The following VPS13B variants were observed in gnomAD, a reference collection of about 807,000 sequenced individuals.
VPS13B encodes the protein intermembrane lipid transfer protein VPS13B.
In VPS13B, 285 loss-of-function variants were observed where a neutral mutation model predicts 426.4. That is an observed-to-expected ratio of 0.67 (90% CI 0.61 to 0.74). The LOEUF (loss-of-function observed/expected upper bound fraction) is 0.74. Among genes scored for constraint, VPS13B ranks in the 30% least tolerant of loss-of-function variants. VPS13B has a pLI of 0.00. For missense variants in VPS13B, 4,537 were observed against 4,782.6 expected, an observed-to-expected ratio of 0.95 and a Z score of 1.51; for synonymous variants, 1,676 against 1,676.4, an observed-to-expected ratio of 1.00 and a Z score of 0.01.
At chr8:99,574,731 A>G (rs961080983) in intron 31 of VPS13B, among the ~76,000 whole-genome samples, 1 of 152,226 alleles carries the variant, frequency 6.6e-6, no homozygotes, top group African/African-American at 2.4e-5. Context: ...CTCCAGGTCC[A>G]ATTCTGGAAC....
chr8:99,823,901 A>G lies in VPS13B; in HGVS notation c.9253A>G (p.Thr3085Ala), dbSNP rs767105242. The change falls in exon 51 of 62, where the codon ACA becomes GCA. Residue 3085 changes from threonine (T) to alanine (A), a missense_variant. Transcript: ENST00000357162. ...IQIIQIEDKT[T>A]IINNTPYQIF... The stretch of plus-strand genomic sequence containing the variant: ...AATTATTCAGATTGAAGACAAGACT[A>G]CAATAATCAATAATACACCATATCA... 3.1e-6 allele frequency: 5 copies of G among 1,613,180 alleles called. No individual in the cohort carries two copies. The highest frequency in any genetic ancestry group is 4.2e-6 in the Non-Finnish European group (5 of 1,179,484).
At chr8:99,188,625 A>G (rs1017604588) in intron 16 of VPS13B, among the ~76,000 whole-genome samples, 1 of 152,176 alleles carries the variant, frequency 6.6e-6, no homozygotes, top group Non-Finnish European at 1.5e-5. Context: ...ATGATAACTC[A>G]ATGTTCATCT....
At chr8:99,233,584 C>T in intron 17 of VPS13B, 1 of 1,226,492 alleles carries the variant, frequency 8.2e-7, no homozygotes, top group Non-Finnish European at 1.2e-6. Context: ...TATTAACAGC[C>T]AGCATATCAT....
chr8:99,419,037 A>G (rs143528794), intron 21 of VPS13B, among the ~76,000 whole-genome samples: 49 of 152,270 alleles, frequency 3.2e-4, no homozygotes, highest in Non-Finnish European at 6.0e-4. Flanking sequence ...TGGTCTGGCT[A>G]TGTGTCTTCA....
intron 33 of VPS13B, among the ~76,000 whole-genome samples, chr8:99,608,544 T>G (rs554007093): frequency 1.1e-4 from 16 of 152,310 alleles, no homozygotes; most frequent in African/African-American, 3.6e-4. Flanking sequence ...ATGACCTTTA[T>G]TATATTCAAA....
At chr8:99,476,651 G>T (rs1004735989) in intron 24 of VPS13B, among the ~76,000 whole-genome samples, 1 of 151,972 alleles carries the variant, frequency 6.6e-6, no homozygotes, top group African/African-American at 2.4e-5. Context: ...AAGAAACCAC[G>T]AAGGCCAGAA....
At chr8:99,594,548 G>C (rs1826893147) in intron 33 of VPS13B, among the ~76,000 whole-genome samples, 1 of 151,848 alleles carries the variant, frequency 6.6e-6, no homozygotes, top group Non-Finnish European at 1.5e-5. Flanking sequence ...CTGTTTGCTT[G>C]ATTATAGAGC....
intron 35 of VPS13B, among the ~76,000 whole-genome samples, chr8:99,685,420 C>G (rs889542169): frequency 1.2e-4 from 18 of 152,186 alleles, no homozygotes; most frequent in African/African-American, 3.6e-4. Context: ...CTGGGGGCTC[C>G]TGGAAAGAAT....
At chr8:99,044,296 G>C (rs796648926) in intron 3 of VPS13B, among the ~76,000 whole-genome samples, 3 of 151,550 alleles carry the variant, frequency 2.0e-5, no homozygotes, top group African/African-American at 7.3e-5. Flanking sequence ...TGTTAGCCAG[G>C]ATGGTCTCTA....
chr8:99,354,576 T>C (rs901227427), intron 19 of VPS13B, among the ~76,000 whole-genome samples: 3 of 152,074 alleles, frequency 2.0e-5, no homozygotes, highest in Non-Finnish European at 4.4e-5. Flanking sequence ...AGAATTTTCT[T>C]ATATATAGGA....
At chr8:99,365,538 G>A (rs1372554215) in intron 19 of VPS13B, among the ~76,000 whole-genome samples, 1 of 19,098 alleles carries the variant, frequency 5.2e-5, no homozygotes, top group Non-Finnish European at 1.7e-4. Flanking sequence ...TTTTTTTGAG[G>A]CGGAGTCTCG....
At chr8:99,306,082 G>A (rs1317037152) in intron 19 of VPS13B, among the ~76,000 whole-genome samples, 1 of 152,120 alleles carries the variant, frequency 6.6e-6, no homozygotes, top group African/African-American at 2.4e-5. Context: ...TGTAATAAAT[G>A]TGAAGTGGAT....
chr8:99,437,817 G>T (rs757105414), intron 22 of VPS13B, among the ~76,000 whole-genome samples: 21 of 152,076 alleles, frequency 1.4e-4, no homozygotes, highest in Non-Finnish European at 2.8e-4. Flanking sequence ...TTCTATACCT[G>T]CTCATTAACA....
intron 39 of VPS13B, among the ~76,000 whole-genome samples, chr8:99,735,648 A>C (rs1371653660): frequency 6.6e-6 from 1 of 152,070 alleles, no homozygotes; most frequent in Non-Finnish European, 1.5e-5. Flanking sequence ...AATAAATCTC[A>C]ATTGTTTTAA....
chr8:99,622,606 TGAG>T (rs1472271616), intron 33 of VPS13B, among the ~76,000 whole-genome samples: 2 of 152,238 alleles, frequency 1.3e-5, no homozygotes, highest in South Asian at 2.1e-4. Flanking sequence ...AATTTTATAA[TGAG>T]GAGAATTAAC....
chr8:99,866,568 T>C (rs1484150203), intron 58 of VPS13B, among the ~76,000 whole-genome samples: 2 of 152,262 alleles, frequency 1.3e-5, no homozygotes, highest in Non-Finnish European at 2.9e-5. Context: ...AAAGCCACAG[T>C]AACCGAAGCC....
At chr8:99,117,931 T>G (rs1847753573) in intron 7 of VPS13B, among the ~76,000 whole-genome samples, 1 of 152,164 alleles carries the variant, frequency 6.6e-6, no homozygotes, top group African/African-American at 2.4e-5. Flanking sequence ...TTTTATGCTA[T>G]TTAAACTTTA....
chr8:99,575,592 CA>C, intron 31 of VPS13B, 65 bp from the exon 32 acceptor site: 1 of 1,599,982 alleles, frequency 6.3e-7, no homozygotes, highest in Non-Finnish European at 8.6e-7. Context: ...AAGACTTGTA[CA>C]AATTTAATGA....
chr8:99,715,151 C>T (rs925608709), intron 36 of VPS13B, among the ~76,000 whole-genome samples: 2 of 151,632 alleles, frequency 1.3e-5, no homozygotes, highest in African/African-American at 4.9e-5. Flanking sequence ...CTCTTCCATC[C>T]AGCCTTTTTA....
Sources: gnomAD v4.1 joint callset for allele counts (sites outside exome capture counted in the v4.1 genomes callset) on GRCh38, gnomAD v4.1.1 for gene constraint, MANE v1.5 for transcripts, NCBI Gene and HGNC (gene_info 2026-07-23, HGNC 2026-07-21) for gene names.